Variants in PRDM16 observed in about 807,000 individuals in gnomAD.
PRDM16 encodes PR/SET domain 16, also known as histone-lysine N-methyltransferase PRDM16.
Under a neutral mutation model 110.6 loss-of-function variants are expected in PRDM16, and 23 were observed. The observed-to-expected ratio is 0.21, with a 90% CI of 0.15 to 0.29. The LOEUF (loss-of-function observed/expected upper bound fraction) is 0.29, where lower values mean the gene tolerates loss of function less well. Among genes scored for constraint, PRDM16 ranks in the 10% least tolerant of loss-of-function variants. The pLI is 1.00. For missense variants in PRDM16, 1,615 were observed against 1,794.3 expected (o/e 0.90, Z 1.81); for synonymous variants, 799 against 781.8 (o/e 1.02, Z -0.37).
At chr1:3,147,995 T>C (rs1350211807) in intron 1 of PRDM16, among the ~76,000 whole-genome samples, 1 of 150,266 alleles carries the variant, frequency 6.7e-6, no homozygotes, top group Non-Finnish European at 1.5e-5. Context: ...AACCCCATCC[T>C]GCGGCAAACC....
At chr1:3,194,637 C>G (rs1175925469) in intron 2 of PRDM16, among the ~76,000 whole-genome samples, 3 of 145,690 alleles carry the variant, frequency 2.1e-5, no homozygotes, top group African/African-American at 7.6e-5. Context: ...GCCACCGTCT[C>G]CCCGCCACAC....
At position 3,425,731 on chromosome 1, in the gene PRDM16, C is replaced by G; in HGVS notation, c.3090C>G (p.His1030Gln). The change falls in exon 13 of 17, where the codon CAC becomes CAG. Residue 1030 changes from histidine to glutamine, a missense_variant. This residue lies in a region of PRDM16 where 327 missense variants were observed against 359.3 expected (regional missense o/e 0.91). Transcript: ENST00000270722. This position sits in a 1 kb window ranked among gnomAD's most constrained non-coding sequence, Gnocchi z 6.9. ...ACCTGGACCGGCACCTCAAGAAGCA[C>G]GAGCACGAGAACGCACCAGGTGGGC... is the stretch of plus-strand genomic sequence containing the variant. ...QTNLDRHLKK[H>Q]EHENAPVSQH... 1 of 1,613,710 alleles carries G rather than the reference C, an allele frequency of 6.2e-7. No homozygotes were observed. The highest frequency in any genetic ancestry group is 8.5e-7 in the Non-Finnish European group (1 of 1,179,932).
At chr1:3,140,919 C>T (rs1643537651) in intron 1 of PRDM16, among the ~76,000 whole-genome samples, 2 of 152,142 alleles carry the variant, frequency 1.3e-5, no homozygotes, top group Non-Finnish European at 2.9e-5. Flanking sequence ...AGCAGGCGGT[C>T]GGAGAAGGGG....
chr1:3,317,937 G>A (rs1641649578), intron 3 of PRDM16, among the ~76,000 whole-genome samples: 2 of 152,278 alleles, frequency 1.3e-5, no homozygotes, highest in South Asian at 4.1e-4. Flanking sequence ...ATTTGAGATC[G>A]AATTATCAAA....
chr1:3,231,857 C>G (rs776187940), intron 2 of PRDM16, among the ~76,000 whole-genome samples: 1 of 152,218 alleles, frequency 6.6e-6, no homozygotes, highest in African/African-American at 2.4e-5. Flanking sequence ...CTAACTCCGC[C>G]CCAAGAGAGT....
rs74708788 is a variant in PRDM16 at position 3,094,951 on chromosome 1, G to A, written c.37+25655G>A. Among the ~76,000 whole-genome samples, 1,297 of 152,344 alleles carry A rather than the reference G, an allele frequency of 8.5e-3. 13 individuals carry two copies. The highest frequency in any genetic ancestry group is 0.012 in the Admixed American group (184 of 15,314). On this transcript the variant is annotated intron_variant, in intron 1 of 16. Coordinates refer to ENST00000270722, the MANE Select transcript of PRDM16 (RefSeq NM_022114.4). ...GCCCGGAACCCCGGTGCTCGTGACC[G>A]AGACCTTCTCACAGCTGCATGGGGG...
intron 1 of PRDM16, among the ~76,000 whole-genome samples, chr1:3,181,180 ACACG>A (rs1644163139): frequency 7.0e-6 from 1 of 142,430 alleles, no homozygotes; most frequent in Non-Finnish European, 1.5e-5. Context: ...ACGGTCTTAC[ACACG>A]CAGTCTTACG....
At chr1:3,276,261 G>A (rs1183103100) in intron 3 of PRDM16, among the ~76,000 whole-genome samples, 2 of 152,218 alleles carry the variant, frequency 1.3e-5, no homozygotes, top group African/African-American at 2.4e-5. Flanking sequence ...GCAGCCCCCC[G>A]GCCCCCGCCA....
intron 1 of PRDM16, among the ~76,000 whole-genome samples, chr1:3,180,616 G>A (rs879628143): frequency 4.0e-5 from 6 of 150,948 alleles, no homozygotes; most frequent in Admixed American, 6.6e-5. Context: ...GGGCCTAGAC[G>A]AGGGCAGCCC....
In PRDM16 at chr1:3,246,817, G is replaced by C. The variant is rs766797344; in HGVS notation, c.438+2680G>C. Reference sequence around the variant, plus strand: ...CTAGGCACTCTCGGGGAGCCGGGGGGGTTGGGGCTGAGAGACTGAGAGACA... The same window carrying C: ...CTAGGCACTCTCGGGGAGCCGGGGGCGTTGGGGCTGAGAGACTGAGAGACA... On this transcript the variant is annotated intron_variant, in intron 3 of 16. Transcript: ENST00000270722. The surrounding 1 kb of genome is among the most constrained non-coding windows in gnomAD (Gnocchi z 5.2). Among the ~76,000 whole-genome samples, 37 of 152,148 alleles carry C rather than the reference G, an allele frequency of 2.4e-4. No individual in the cohort carries two copies. Among genetic ancestry groups the C allele is most frequent in the Non-Finnish European group, 2.9e-5 (2 of 68,030 alleles).
chr1:3,287,326 G>A (rs1239272720), intron 3 of PRDM16, among the ~76,000 whole-genome samples: 1 of 121,726 alleles, frequency 8.2e-6, no homozygotes, highest in Admixed American at 7.9e-5. Flanking sequence ...GCCCCGCCAC[G>A]CGGGCATCCA....
At chr1:3,296,649 T>A (rs947745788) in intron 3 of PRDM16, among the ~76,000 whole-genome samples, 3 of 152,104 alleles carry the variant, frequency 2.0e-5, no homozygotes, top group Non-Finnish European at 2.9e-5. Context: ...ATGCCAGAGG[T>A]TGCCATGGGG....
At chr1:3,218,098 C>T (rs1182894697) in intron 2 of PRDM16, among the ~76,000 whole-genome samples, 1 of 152,210 alleles carries the variant, frequency 6.6e-6, no homozygotes, top group Non-Finnish European at 1.5e-5. Flanking sequence ...ACACTATTGT[C>T]GTGGCCAAGT....
chr1:3,233,950 T>C (rs1222498384), intron 2 of PRDM16, among the ~76,000 whole-genome samples: 1 of 151,754 alleles, frequency 6.6e-6, no homozygotes, highest in East Asian at 1.9e-4. Flanking sequence ...TGAGATGGCC[T>C]CTTGCGGGTG....
intron 2 of PRDM16, among the ~76,000 whole-genome samples, chr1:3,191,173 C>G (rs1357934470): frequency 6.6e-6 from 1 of 152,194 alleles, no homozygotes; most frequent in Non-Finnish European, 1.5e-5. Flanking sequence ...CTGAAGAGGC[C>G]AGGTGAAAAA....
chr1:3,300,837 G>A (rs1477378230), intron 3 of PRDM16, among the ~76,000 whole-genome samples: 2 of 152,134 alleles, frequency 1.3e-5, no homozygotes, highest in South Asian at 2.1e-4. Flanking sequence ...TCCTTCAACC[G>A]CTTAGATCCC....
Position 3,213,218 on chromosome 1 carries a change from C to A in PRDM16, c.387+26744C>A, listed in dbSNP as rs1638940202. Among the ~76,000 whole-genome samples the A allele has an allele frequency of 6.6e-6, 1 of 152,230 alleles. No homozygotes were observed. The highest frequency in any genetic ancestry group is 1.5e-5 in the Non-Finnish European group (1 of 68,038). Reference sequence around the variant, plus strand: ...CCCAAATTAGCCAATAAACACCACCCATTCCGTGGTGAGGGGGGAAATGGA... The same window carrying A: ...CCCAAATTAGCCAATAAACACCACCAATTCCGTGGTGAGGGGGGAAATGGA... On this transcript the variant is annotated intron_variant, in intron 2 of 16. Transcript: ENST00000270722. The surrounding 1 kb of genome is among the most constrained non-coding windows in gnomAD (Gnocchi z 5.3).
intron 1 of PRDM16, among the ~76,000 whole-genome samples, chr1:3,182,754 G>A (rs187717169): frequency 2.0e-5 from 3 of 152,274 alleles, no homozygotes; most frequent in African/African-American, 7.2e-5. Context: ...TCGCTCATAC[G>A]TGTGTGTGAC....
chr1:3,111,429 A>G lies in PRDM16; in HGVS notation c.37+42133A>G, dbSNP rs1642789068. Among the ~76,000 whole-genome samples, 7 of 9,426 alleles carry G rather than the reference A, an allele frequency of 7.4e-4. No individual in the cohort carries two copies. The Admixed American group carries it at 8.0e-3, about 11-fold the overall frequency. The allele number at this position is 9,426 out of a possible 152,430, so 6.2% of individuals were successfully genotyped here. ...TTGTCAAGGGGTGGAAAGCCAGGCC[A>G]GGCACCTGTGTGGACCCAGTGCCAC... On this transcript the variant is annotated intron_variant, in intron 1 of 16. Transcript: ENST00000270722.
Sources: allele counts gnomAD v4.1 joint callset (sites outside exome capture counted in the v4.1 genomes callset), GRCh38; gene constraint gnomAD v4.1.1; regional missense constraint gnomAD v4.1.1; non-coding constraint Gnocchi (gnomAD v3.1); transcripts MANE v1.5; gene names NCBI Gene and HGNC (gene_info 2026-07-23, HGNC 2026-07-21).